IL1RAPL2: variants seen among roughly 807,000 people sequenced by gnomAD.
The protein encoded by IL1RAPL2 is interleukin 1 receptor accessory protein like 2.
A neutral mutation model predicts 44.1 loss-of-function variants in IL1RAPL2; 3 were observed. The observed-to-expected ratio is 0.07, with a 90% CI of 0.03 to 0.18. The LOEUF is 0.18. Among genes scored for constraint, IL1RAPL2 ranks in the 10% least tolerant of loss-of-function variants. The pLI is 1.00. For missense variants in IL1RAPL2, 391 were observed against 496.4 expected (o/e 0.79, Z 2.02); for synonymous variants, 181 against 178.8 (o/e 1.01, Z -0.10).
chrX:105,718,775 A>AAAAT, intron 7 of IL1RAPL2, among the ~76,000 whole-genome samples: 1 of 110,967 alleles, frequency 9.0e-6, no homozygotes, highest in South Asian at 3.8e-4. Flanking sequence ...CTGCCAAGAA[A>AAAAT]AAATACATAT....
intron 2 of IL1RAPL2, among the ~76,000 whole-genome samples, chrX:104,740,085 T>C (rs1211938040): frequency 9.0e-6 from 1 of 111,297 alleles, no homozygotes. Flanking sequence ...TAGTAAACAG[T>C]CTATTTTAGG....
chrX:105,437,582 ACTGT>A (rs992603535), intron 5 of IL1RAPL2, among the ~76,000 whole-genome samples: 2 of 111,379 alleles, frequency 1.8e-5, no homozygotes, highest in African/African-American at 3.3e-5. Context: ...TTTTTTTGCT[ACTGT>A]CTATGTCAGG....
intron 2 of IL1RAPL2, among the ~76,000 whole-genome samples, chrX:104,677,390 C>T (rs1338299812): frequency 9.0e-6 from 1 of 110,763 alleles, no homozygotes; most frequent in East Asian, 2.8e-4. Flanking sequence ...CTGGGGGGTG[C>T]CTCCCAGTTA....
At chrX:105,684,413 G>A (rs1039505228) in intron 6 of IL1RAPL2, among the ~76,000 whole-genome samples, 2 of 112,832 alleles carry the variant, frequency 1.8e-5, no homozygotes, top group African/African-American at 6.4e-5. Flanking sequence ...CCATGCCCAT[G>A]GAGCCTTGCT....
At chrX:105,255,500 CA>C (rs2034306482) in intron 4 of IL1RAPL2, among the ~76,000 whole-genome samples, 1 of 112,164 alleles carries the variant, frequency 8.9e-6, no homozygotes, top group African/African-American at 3.2e-5. Flanking sequence ...GTGTATAAAT[CA>C]AACTTTGCTG....
chrX:105,413,118 T>C (rs1171396919), intron 5 of IL1RAPL2, among the ~76,000 whole-genome samples: 1 of 112,173 alleles, frequency 8.9e-6, no homozygotes, highest in East Asian at 2.8e-4. Context: ...TGCTTTTCTA[T>C]ATTTTATGAA....
chrX:104,838,214 T>C (rs1295653651), intron 2 of IL1RAPL2, among the ~76,000 whole-genome samples: 2 of 111,997 alleles, frequency 1.8e-5, no homozygotes, highest in African/African-American at 6.5e-5. Context: ...ATACAAGCTC[T>C]TTTTTTGTTC....
chrX:104,877,474 C>A (rs138716176), intron 2 of IL1RAPL2, among the ~76,000 whole-genome samples: 60 of 112,342 alleles, frequency 5.3e-4, no homozygotes, highest in African/African-American at 1.8e-3. Context: ...ATACCAAAGC[C>A]GGGCAGAGAC....
At chrX:105,499,873 C>T (rs1261934105) in intron 6 of IL1RAPL2, among the ~76,000 whole-genome samples, 3 of 111,875 alleles carry the variant, frequency 2.7e-5, no homozygotes, top group Non-Finnish European at 5.6e-5. Flanking sequence ...AATAAAACTA[C>T]CATATCATCC....
chrX:104,915,326 G>A (rs1452967528), intron 2 of IL1RAPL2, among the ~76,000 whole-genome samples: 1 of 110,381 alleles, frequency 9.1e-6, no homozygotes, highest in Non-Finnish European at 1.9e-5. Flanking sequence ...GTGATGATGA[G>A]CATTTTTTCA....
At chrX:105,728,393 T>G (rs1354727166) in intron 7 of IL1RAPL2, among the ~76,000 whole-genome samples, 2 of 111,694 alleles carry the variant, frequency 1.8e-5, no homozygotes, top group Non-Finnish European at 3.8e-5. Context: ...CAATGTGCCT[T>G]TACTGAGTTT....
At chrX:105,350,337 A>G (rs997568328) in intron 5 of IL1RAPL2, among the ~76,000 whole-genome samples, 1 of 112,556 alleles carries the variant, frequency 8.9e-6, no homozygotes, top group Non-Finnish European at 1.9e-5. Context: ...CCACTGCCAG[A>G]AGTTTGCACT....
intron 2 of IL1RAPL2, among the ~76,000 whole-genome samples, chrX:104,814,367 T>C (rs981270237): frequency 8.9e-6 from 1 of 112,389 alleles, no homozygotes; most frequent in African/African-American, 3.2e-5. Flanking sequence ...TGATGATTTA[T>C]TGCATTGAAT....
At chrX:105,671,818 C>G (rs1235531882) in intron 6 of IL1RAPL2, among the ~76,000 whole-genome samples, 3 of 111,123 alleles carry the variant, frequency 2.7e-5, no homozygotes, top group Admixed American at 9.8e-5. Context: ...CACACAGGTC[C>G]TAGACTATCT....
intron 2 of IL1RAPL2, among the ~76,000 whole-genome samples, chrX:105,002,701 C>T (rs1397771804): frequency 9.2e-6 from 1 of 108,422 alleles, no homozygotes; most frequent in Non-Finnish European, 1.9e-5. Flanking sequence ...CCCCCACATA[C>T]CAAAGTCATT....
intron 1 of IL1RAPL2, among the ~76,000 whole-genome samples, chrX:104,578,127 C>G (rs1266642570): frequency 9.0e-6 from 1 of 111,708 alleles, no homozygotes; most frequent in South Asian, 3.9e-4. Flanking sequence ...ATAACAAACA[C>G]CCACATCTTA....
intron 2 of IL1RAPL2, among the ~76,000 whole-genome samples, chrX:104,791,018 G>A (rs1164474588): frequency 8.9e-6 from 1 of 111,750 alleles, no homozygotes; most frequent in Non-Finnish European, 1.9e-5. Context: ...AACCCTATGA[G>A]ATGGGTACTA....
At chrX:105,580,819 C>T (rs758049569) in intron 6 of IL1RAPL2, among the ~76,000 whole-genome samples, 64 of 111,668 alleles carry the variant, frequency 5.7e-4, no homozygotes, top group African/African-American at 1.9e-3. Context: ...AAACACTGTA[C>T]GGAAATTTTA....
At chrX:105,165,070 A>G (rs763682991) in intron 2 of IL1RAPL2, among the ~76,000 whole-genome samples, 7 of 111,471 alleles carry the variant, frequency 6.3e-5, no homozygotes, top group Admixed American at 3.8e-4. Context: ...TGGCTCTTTC[A>G]GTGAAGGAAG....
Sources: allele counts gnomAD v4.1 joint callset (sites outside exome capture counted in the v4.1 genomes callset), GRCh38; gene constraint gnomAD v4.1.1; transcripts MANE v1.5; gene names NCBI Gene and HGNC (gene_info 2026-07-23, HGNC 2026-07-21).